CHST10: variants seen among roughly 807,000 people sequenced by gnomAD.
CHST10 encodes carbohydrate sulfotransferase 10, also known as HNK-1 sulfotransferase.
A neutral mutation model predicts 34.7 loss-of-function variants in CHST10; 24 were observed. The ratio of observed to expected loss-of-function variants is 0.69; its 90% CI spans 0.50 to 0.97. The LOEUF (loss-of-function observed/expected upper bound fraction) is 0.97. CHST10 is among the 50% of genes least tolerant of loss of function. CHST10 has a pLI of 0.00. For missense variants in CHST10, 402 were observed against 452.1 expected (o/e 0.89, Z 1.00); for synonymous variants, 161 against 169.3 (o/e 0.95, Z 0.38).
chr2:100,395,476 C>A (rs1675011695), intron 6 of CHST10, 33 bp downstream of exon 6: 4 of 1,581,672 alleles, frequency 2.5e-6, no homozygotes, highest in Non-Finnish European at 3.5e-6. Flanking sequence ...TTTACAAAAA[C>A]TCCCCCCTCC....
intron 2 of CHST10, among the ~76,000 whole-genome samples, chr2:100,409,624 G>A (rs1675737254): frequency 6.6e-6 from 1 of 152,004 alleles, no homozygotes; most frequent in South Asian, 2.1e-4. Flanking sequence ...GGAGGTCAGG[G>A]ACTGGTCTAC....
chr2:100,408,573 G>A (rs1675683726), intron 2 of CHST10: 1 of 152,062 alleles, frequency 6.6e-6, no homozygotes, highest in South Asian at 2.1e-4. Context: ...AGTAAAAACT[G>A]ACCAATCCCT....
intron 4 of CHST10, among the ~76,000 whole-genome samples, chr2:100,398,920 G>A (rs1675202645): frequency 6.6e-6 from 1 of 152,128 alleles, no homozygotes; most frequent in Admixed American, 6.5e-5. Context: ...AAGTTGCTCA[G>A]AGGCCCCCTG....
intron 2 of CHST10, among the ~76,000 whole-genome samples, chr2:100,409,464 T>C (rs1401593720): frequency 2.0e-5 from 3 of 152,154 alleles, no homozygotes; most frequent in Non-Finnish European, 4.4e-5. Context: ...GATTTTCATT[T>C]AAAAGTCAGG....
At chr2:100,404,274 C>T (rs900789945) in intron 3 of CHST10, among the ~76,000 whole-genome samples, 21 of 152,180 alleles carry the variant, frequency 1.4e-4, no homozygotes, top group African/African-American at 4.8e-4. Flanking sequence ...GCATCCTCAC[C>T]ACCAGCAGCC....
intron 5 of CHST10, among the ~76,000 whole-genome samples, chr2:100,396,473 G>A (rs1440009091): frequency 1.3e-5 from 2 of 152,216 alleles, no homozygotes; most frequent in Admixed American, 1.3e-4. Flanking sequence ...TAATCCGGTA[G>A]GGTTAAGATT....
At chr2:100,396,890 C>A (rs528551463) in intron 5 of CHST10, among the ~76,000 whole-genome samples, 1 of 152,176 alleles carries the variant, frequency 6.6e-6, no homozygotes, top group Non-Finnish European at 1.5e-5. Flanking sequence ...GTTTTCAATT[C>A]GATTTGCAGC....
At chr2:100,416,058 A>G (rs528102174) in intron 1 of CHST10, among the ~76,000 whole-genome samples, 3 of 152,378 alleles carry the variant, frequency 2.0e-5, no homozygotes, top group South Asian at 2.1e-4. Context: ...CCACTGTTGT[A>G]TATGTGGTCC....
chr2:100,416,975 G>T (rs554050140), intron 1 of CHST10: 1 of 1,304,080 alleles, frequency 7.7e-7, no homozygotes, highest in Non-Finnish European at 1.0e-6. Context: ...TCCCACCCCT[G>T]ACTCCCCTCG....
rs2241809 is a variant in CHST10 at position 100,397,901 on chromosome 2, C to T, written c.427+7G>A. 745,789 of 1,603,990 alleles carry T rather than the reference C, an allele frequency of 0.46. 182,613 individuals carry two copies. The highest frequency in any genetic ancestry group is 0.7 in the East Asian group (31,423 of 44,798). Reference sequence around the variant, plus strand: ...TCCCAGTGGACATTCAGTAGACCCACACACACCATTTAGAACAATCAGCAC... The same window carrying T: ...TCCCAGTGGACATTCAGTAGACCCATACACACCATTTAGAACAATCAGCAC... On this transcript the variant is annotated splice_region_variant and intron_variant, in intron 5 of 6. Transcript: ENST00000264249.
chr2:100,398,027 G>A lies in CHST10; in HGVS notation c.308C>T (p.Thr103Ile), dbSNP rs1431197504. ...GTCCAGGACAAACTTGGAGACAGGA[G>A]TGTGCGAGAGATTCTTCAGGGCATC... ...RDDALKNLSH[T>I]PVSKFVLDRI... Residue 103 changes from threonine to isoleucine, a missense_variant, in exon 5 of 7, where the codon ACT becomes ATT. By Grantham distance (89) the Thr-to-Ile change is moderately conservative. Transcript: ENST00000264249. 1.9e-6 allele frequency: 3 copies of A among 1,614,086 alleles called. No homozygotes were observed. Among genetic ancestry groups the A allele is most frequent in the Non-Finnish European group, 2.5e-6 (3 of 1,180,036 alleles).
At position 100,393,382 on chromosome 2, in the gene CHST10, T is replaced by C. The variant is rs760096775; in HGVS notation, c.934A>G (p.Ile312Val). 1 of 1,614,188 alleles carries C rather than the reference T, an allele frequency of 6.2e-7. No homozygotes were observed. The highest frequency in any genetic ancestry group is 8.5e-7 in the Non-Finnish European group (1 of 1,180,036). ...ACCTTGGTTCTGTTATACACGGTAATGCCCGGAGGGATAGTCGGGTATGAC... is the reference window on the plus strand; with the variant it reads ...ACCTTGGTTCTGTTATACACGGTAACGCCCGGAGGGATAGTCGGGTATGAC... ...LVSYPTIPPG[I>V]TVYNRTKVEH... Residue 312 changes from isoleucine to valine, a missense_variant, in exon 7 of 7, where the codon ATT becomes GTT. Ile to Val is a conservative substitution (Grantham distance 29). Coordinates refer to ENST00000264249, the MANE Select transcript of CHST10 (RefSeq NM_004854.5).
intron 2 of CHST10, among the ~76,000 whole-genome samples, chr2:100,413,801 G>T (rs1675945423): frequency 6.6e-6 from 1 of 152,130 alleles, no homozygotes; most frequent in Non-Finnish European, 1.5e-5. Context: ...CCACCTGCCA[G>T]GCCCCACTTT....
chr2:100,397,541 G>A (rs866368617), intron 5 of CHST10, among the ~76,000 whole-genome samples: 12 of 152,200 alleles, frequency 7.9e-5, no homozygotes, highest in African/African-American at 1.9e-4. Flanking sequence ...GTGGCTCTGC[G>A]AGTGTGGGGC....
In CHST10 at chr2:100,402,557, T is replaced by C. The variant is rs1297059406; in HGVS notation, c.192+7A>G. The C allele has an allele frequency of 1.2e-6, 2 of 1,612,806 alleles. No individual in the cohort carries two copies. Among genetic ancestry groups the C allele is most frequent in the Admixed American group, 1.7e-5 (1 of 59,998 alleles). The stretch of plus-strand genomic sequence containing the variant: ...GAGGACAAGGACCACGGCCTGGCTG[T>C]GCCCACCTTCAGTTCCTCAGGAATG... On this transcript the variant is annotated splice_region_variant and intron_variant, in intron 4 of 6. Transcript: ENST00000264249.
At position 100,411,845 on chromosome 2, in the gene CHST10, G is replaced by C. The variant is rs375248731; in HGVS notation, c.-33+3196C>G. Among the ~76,000 whole-genome samples the C allele has an allele frequency of 3.7e-3, 559 of 152,310 alleles. 2 individuals carry two copies. The highest frequency in any genetic ancestry group is 6.6e-3 in the South Asian group (32 of 4,824). Reference sequence around the variant, plus strand: ...GTGGGGAGAAAATACAATGGGATGTGCCTTGGGCAGAGTGGTCTGGGACAG... The same window carrying C: ...GTGGGGAGAAAATACAATGGGATGTCCCTTGGGCAGAGTGGTCTGGGACAG... On this transcript the variant is annotated intron_variant, in intron 2 of 6. Coordinates refer to ENST00000264249, the MANE Select transcript of CHST10 (RefSeq NM_004854.5).
At chr2:100,404,204 C>T (rs577302343) in intron 3 of CHST10, among the ~76,000 whole-genome samples, 98 of 152,320 alleles carry the variant, frequency 6.4e-4, no homozygotes, top group African/African-American at 6.0e-4. Context: ...CACCCCGCAA[C>T]GGGAGTGGGC....
chr2:100,406,309 T>A (rs549376033), intron 3 of CHST10, among the ~76,000 whole-genome samples: 1 of 152,322 alleles, frequency 6.6e-6, no homozygotes, highest in African/African-American at 2.4e-5. Flanking sequence ...CCCTGCTCCT[T>A]GCTCCTAGGC....
intron 2 of CHST10, among the ~76,000 whole-genome samples, chr2:100,411,337 C>T (rs945735992): frequency 2.6e-5 from 4 of 152,016 alleles, no homozygotes; most frequent in African/African-American, 9.7e-5. Flanking sequence ...GTCTTGAACT[C>T]CTGACCTCAA....
Sources: allele counts gnomAD v4.1 joint callset (sites outside exome capture counted in the v4.1 genomes callset), GRCh38; gene constraint gnomAD v4.1.1; transcripts MANE v1.5; gene names NCBI Gene and HGNC (gene_info 2026-07-23, HGNC 2026-07-21).